TFAP2D: variants seen among roughly 807,000 people sequenced by gnomAD.
TFAP2D encodes transcription factor AP-2-delta.
In TFAP2D, 9 loss-of-function variants were observed where a neutral mutation model predicts 43.6. The ratio of observed to expected loss-of-function variants is 0.21; its 90% CI spans 0.12 to 0.36. TFAP2D has a LOEUF of 0.36. Ranked by LOEUF, TFAP2D falls within the 10% of genes least tolerant of loss-of-function variation. The pLI is 1.00. For synonymous variants in TFAP2D, 256 were observed against 224.9 expected (o/e 1.14, Z -1.24); for missense variants, 513 against 561.4 (o/e 0.91, Z 0.87).
intron 6 of TFAP2D, among the ~76,000 whole-genome samples, chr6:50,747,824 T>C (rs1432290498): frequency 6.6e-6 from 1 of 152,116 alleles, no homozygotes; most frequent in Non-Finnish European, 1.5e-5. Flanking sequence ...CAGGTAGTAG[T>C]ATTTTCCTTT....
intron 2 of TFAP2D, among the ~76,000 whole-genome samples, chr6:50,717,415 C>T (rs1017527433): frequency 1.3e-5 from 2 of 152,180 alleles, no homozygotes; most frequent in African/African-American, 4.8e-5. Flanking sequence ...ACATTGTAAC[C>T]GTGCGCCAGA....
chr6:50,720,905 T>C (rs1768712756), intron 3 of TFAP2D, among the ~76,000 whole-genome samples: 1 of 152,204 alleles, frequency 6.6e-6, no homozygotes, highest in Non-Finnish European at 1.5e-5. Flanking sequence ...GATCACCTTC[T>C]GAAATGCTTG....
intron 3 of TFAP2D, among the ~76,000 whole-genome samples, chr6:50,724,118 A>AG (rs568773993): frequency 0.075 from 11,301 of 151,272 alleles, 484 homozygotes; most frequent in Middle Eastern, 0.13. Flanking sequence ...ACATGGGGGG[A>AG]GGGGTAACAT....
intron 5 of TFAP2D, among the ~76,000 whole-genome samples, chr6:50,730,066 T>C (rs987091795): frequency 2.0e-5 from 3 of 152,174 alleles, no homozygotes; most frequent in Non-Finnish European, 2.9e-5. Context: ...TCATGTGGAA[T>C]GCTATTGTTT....
intron 5 of TFAP2D, among the ~76,000 whole-genome samples, chr6:50,735,138 A>G (rs1765440605): frequency 6.6e-6 from 1 of 152,266 alleles, no homozygotes; most frequent in Admixed American, 6.5e-5. Flanking sequence ...TGCCCAGAAT[A>G]AAGTCATTAT....
At chr6:50,715,059 T>A in intron 1 of TFAP2D, 57 bp from the exon 2 acceptor site, 3 of 1,570,426 alleles carry the variant, frequency 1.9e-6, no homozygotes, top group Non-Finnish European at 2.6e-6. Context: ...GCGCCTTGGT[T>A]GCAAAATGAC....
intron 5 of TFAP2D, among the ~76,000 whole-genome samples, chr6:50,741,592 G>C (rs1769046578): frequency 6.6e-6 from 1 of 151,740 alleles, no homozygotes; most frequent in Admixed American, 6.6e-5. Context: ...AAGACCTAAA[G>C]ACAGAAATAC....
intron 6 of TFAP2D, among the ~76,000 whole-genome samples, chr6:50,745,896 A>G (rs1040103251): frequency 1.3e-5 from 2 of 152,136 alleles, no homozygotes; most frequent in Admixed American, 6.6e-5. Context: ...TTGACAATAC[A>G]ATAGGAAAGG....
chr6:50,716,414 G>T (rs913664707), intron 2 of TFAP2D, among the ~76,000 whole-genome samples: 1 of 151,428 alleles, frequency 6.6e-6, no homozygotes, highest in African/African-American at 2.4e-5. Context: ...AGGCAGTAAC[G>T]GTAATGAAAG....
intron 5 of TFAP2D, among the ~76,000 whole-genome samples, chr6:50,735,902 G>A (rs189853371): frequency 1.8e-4 from 27 of 152,236 alleles, no homozygotes; most frequent in South Asian, 8.3e-4. Flanking sequence ...CTTGAAAACC[G>A]GAATCATTTT....
intron 5 of TFAP2D, among the ~76,000 whole-genome samples, chr6:50,743,585 A>G (rs535102284): frequency 2.0e-5 from 3 of 151,990 alleles, no homozygotes; most frequent in East Asian, 3.9e-4. Context: ...GGGTCTTTCT[A>G]TGTTGCCCAG....
At chr6:50,741,426 C>A (rs1300569226) in intron 5 of TFAP2D, among the ~76,000 whole-genome samples, 1 of 152,080 alleles carries the variant, frequency 6.6e-6, no homozygotes, top group Non-Finnish European at 1.5e-5. Flanking sequence ...TTTTCCCGAT[C>A]TCTCTCCTCC....
At chr6:50,742,594 ATAG>A (rs1191691585) in intron 5 of TFAP2D, among the ~76,000 whole-genome samples, 2 of 150,772 alleles carry the variant, frequency 1.3e-5, no homozygotes, top group Non-Finnish European at 3.0e-5. Flanking sequence ...AGATAGATAG[ATAG>A]ATAGATAGAT....
intron 7 of TFAP2D, among the ~76,000 whole-genome samples, chr6:50,762,543 AAC>A (rs758060429): frequency 6.6e-6 from 1 of 152,124 alleles, no homozygotes; most frequent in Non-Finnish European, 1.5e-5. Context: ...GAATTCAGTA[AAC>A]AGTTACCTCC....
chr6:50,758,895 G>A (rs1250661055), intron 7 of TFAP2D, among the ~76,000 whole-genome samples: 2 of 151,988 alleles, frequency 1.3e-5, no homozygotes. Flanking sequence ...TTTTTACAAG[G>A]AAATGCAAAG....
At chr6:50,728,042 G>T (rs1768834256) in intron 3 of TFAP2D, among the ~76,000 whole-genome samples, 1 of 152,194 alleles carries the variant, frequency 6.6e-6, no homozygotes, top group African/African-American at 2.4e-5. Context: ...GAGACAGAAA[G>T]CTTCTGTTCC....
chr6:50,717,853 T>C (rs933207728), intron 2 of TFAP2D, among the ~76,000 whole-genome samples: 4 of 152,164 alleles, frequency 2.6e-5, no homozygotes, highest in African/African-American at 9.6e-5. Flanking sequence ...GAGAAACCCG[T>C]CTCTCTCCTT....
Position 50,755,716 on chromosome 6 carries a change from G to C in TFAP2D, c.1139+4392G>C, listed in dbSNP as rs981580453. 2.6e-5 allele frequency among the ~76,000 whole-genome samples: 4 copies of C among 151,876 alleles called. No homozygotes were observed. In the South Asian group the frequency reaches 6.2e-4, roughly 24 times the overall value. On this transcript the variant is annotated intron_variant, in intron 7 of 7. Transcript: ENST00000008391. ...TAAAAACATTCTACTGGGAGCCCGAGGTGAAAGGATCACTTGAGGCCAAGA... is the reference window on the plus strand; with the variant it reads ...TAAAAACATTCTACTGGGAGCCCGACGTGAAAGGATCACTTGAGGCCAAGA...
rs117720064 is a variant in TFAP2D, at chr6:50,734,199, T to C, written c.883+4887T>C. On this transcript the variant is annotated intron_variant, in intron 5 of 7. Transcript: ENST00000008391. ...ACCCTATCTTGGACATCTTAGCTCA[T>C]GTAAATTAGTTGTTTTGTGCCACTT... 1.8e-4 allele frequency among the ~76,000 whole-genome samples: 27 copies of C among 152,176 alleles called. 1 individual carries two copies. In the East Asian group the frequency reaches 4.6e-3, roughly 26 times the overall value.
Sources: gnomAD v4.1 joint callset for allele counts (sites outside exome capture counted in the v4.1 genomes callset) on GRCh38, gnomAD v4.1.1 for gene constraint, MANE v1.5 for transcripts, NCBI Gene and HGNC (gene_info 2026-07-23, HGNC 2026-07-21) for gene names.